Variants in NDRG2 observed in about 807,000 individuals in gnomAD.
The protein encoded by NDRG2 is NDRG family member 2.
Under a neutral mutation model 58.2 loss-of-function variants are expected in NDRG2, and 34 were observed. The ratio of observed to expected loss-of-function variants is 0.58; its 90% CI spans 0.44 to 0.78. The LOEUF is 0.78. Among genes scored for constraint, NDRG2 ranks in the 30% least tolerant of loss-of-function variants. NDRG2 has a pLI of 0.00. For synonymous variants in NDRG2, 187 were observed against 175.9 expected, an observed-to-expected ratio of 1.06 and a Z score of -0.50; for missense variants, 434 against 471.2, an observed-to-expected ratio of 0.92 and a Z score of 0.73.
chr14:21,049,952 T>C (rs1885393127), intron 1 of NDRG2, among the ~76,000 whole-genome samples: 1 of 152,104 alleles, frequency 6.6e-6, no homozygotes, highest in African/African-American at 2.4e-5. Flanking sequence ...AATTTTTGTA[T>C]TTTTAGTAAA....
intron 1 of NDRG2, among the ~76,000 whole-genome samples, chr14:21,051,506 G>T (rs574675855): frequency 6.6e-6 from 1 of 152,264 alleles, no homozygotes; most frequent in African/African-American, 2.4e-5. Flanking sequence ...AGCTCTGGTT[G>T]GGTTGAAGAC....
rs1463341347 is a variant in NDRG2 at position 21,070,149 on chromosome 14, C to CA, written c.24+678dup. 4.5e-6 allele frequency: 1 copy of CA among 221,698 alleles called. No individual in the cohort carries two copies. Among genetic ancestry groups the CA allele is most frequent in the Non-Finnish European group, 8.7e-6 (1 of 115,552 alleles). 13.7% of individuals were successfully genotyped at this position (221,698 alleles called of 1,614,324 possible). The stretch of plus-strand genomic sequence containing the variant: ...ACGGCAGAGATCTCGGCGCGGGAGA[C>CA]AGAGTCCCGGCAAGGGGTCCCGCGC... On this transcript the variant is annotated intron_variant, in intron 1 of 14. Coordinates refer to the NDRG2 transcript ENST00000403829. The surrounding 1 kb of genome is among the most constrained non-coding windows in gnomAD (Gnocchi z 4.7).
chr14:21,030,729 G>A (rs149482997), upstream of NDRG2: 92 of 1,614,132 alleles, frequency 5.7e-5, 1 homozygote, highest in South Asian at 6.6e-5. Context: ...CTCCACGGAC[G>A]TGGACATCGT....
intron 1 of NDRG2, among the ~76,000 whole-genome samples, chr14:21,066,360 G>A (rs1450487590): frequency 3.4e-5 from 5 of 148,110 alleles, no homozygotes; most frequent in East Asian, 2.0e-4. Context: ...TCACTTTGTC[G>A]CCAGGCTGGA....
rs1566467511 is a variant in NDRG2 at position 21,022,141 on chromosome 14, G to T, written c.265C>A (p.Gln89Lys). 6.2e-7 allele frequency: 1 copy of T among 1,614,128 alleles called. No homozygotes were observed. Among genetic ancestry groups the T allele is most frequent in the Non-Finnish European group, 8.5e-7 (1 of 1,180,030 alleles). The change falls in exon 5 of 16, where the codon CAG (glutamine) becomes AAG (lysine). Residue 89 changes from glutamine (Q) to lysine (K), a missense_variant. Coordinates refer to ENST00000556147, the MANE Select transcript of NDRG2 (RefSeq NM_001320329.2). ...FQPLFQFEDM[Q>K]EIIQNFVRVH... Reference sequence around the variant, plus strand: ...CGCACAAAGTTCTGAATGATTTCCTGCATGTCCTCGAACTGAAACAGTGGC... The same window carrying T: ...CGCACAAAGTTCTGAATGATTTCCTTCATGTCCTCGAACTGAAACAGTGGC...
At chr14:21,018,962 G>C in intron 11 of NDRG2, 148 bp from the exon 12 acceptor site, 1 of 1,265,792 alleles carries the variant, frequency 7.9e-7, no homozygotes. Flanking sequence ...AGGATTCAAA[G>C]GGGGAAGACC....
intron 1 of NDRG2, among the ~76,000 whole-genome samples, chr14:21,044,530 A>T (rs1022698881): frequency 2.0e-5 from 3 of 152,110 alleles, no homozygotes; most frequent in African/African-American, 7.2e-5. Flanking sequence ...CCCCTGCCTC[A>T]TTGCTACCCT....
At chr14:21,029,312 A>C (rs891689510), upstream of NDRG2, 1 of 152,174 alleles carries the variant, frequency 6.6e-6, no homozygotes, top group African/African-American at 2.4e-5. Flanking sequence ...TTAAAATCCT[A>C]ACTCCCGGCT....
chr14:21,058,108 CGA>C, intron 1 of NDRG2: 1 of 1,614,190 alleles, frequency 6.2e-7, no homozygotes, highest in Non-Finnish European at 8.5e-7. Context: ...CCTTCCTGCA[CGA>C]GCCCTTCTCC....
chr14:21,065,309 C>A (rs1295101271), intron 1 of NDRG2, among the ~76,000 whole-genome samples: 5 of 152,150 alleles, frequency 3.3e-5, no homozygotes. Flanking sequence ...AAGCAGCTGA[C>A]CCCAAGCCTC....
At position 21,070,017 on chromosome 14, in the gene NDRG2, T is replaced by C. The variant is rs918816071; in HGVS notation, c.24+811A>G. On this transcript the variant is annotated intron_variant, in intron 1 of 14. Transcript: ENST00000403829. This position sits in a 1 kb window ranked among gnomAD's most constrained non-coding sequence, Gnocchi z 4.7. ...GCGGGAAAAGAGGGGCATCCTCGGC[T>C]GGGCGGGCCTCCGAGGGTCAGGGTC... Among the ~76,000 whole-genome samples the C allele has an allele frequency of 2.0e-5, 3 of 152,114 alleles. No homozygotes were observed. Among genetic ancestry groups the C allele is most frequent in the African/African-American group, 7.2e-5 (3 of 41,436 alleles).
intron 1 of NDRG2, chr14:21,036,202 G>T (rs766686803): frequency 2.2e-6 from 1 of 456,258 alleles, no homozygotes; most frequent in Admixed American, 2.3e-5. Flanking sequence ...GGATGCTCTC[G>T]TCTCGCCTGG....
chr14:21,022,848 G>A lies in NDRG2; in HGVS notation c.117+16C>T. ...CAGCCCCTCCTCCCACCTTGGGACT[G>A]CCCCCACACTGTTACCTGTCCCTGG... On this transcript the variant is annotated intron_variant, in intron 3 of 15. Coordinates refer to ENST00000556147, the MANE Select transcript of NDRG2 (RefSeq NM_001320329.2). 1 of 1,612,926 alleles carries A rather than the reference G, an allele frequency of 6.2e-7. No individual in the cohort carries two copies. Among genetic ancestry groups the A allele is most frequent in the Non-Finnish European group, 8.5e-7 (1 of 1,179,466 alleles).
chr14:21,023,389 T>C, intron 1 of NDRG2, 68 bp from the exon 2 acceptor site: 6 of 1,389,544 alleles, frequency 4.3e-6, no homozygotes, highest in Non-Finnish European at 6.0e-6. Flanking sequence ...AACACCAGGC[T>C]TCCTCTCTCA....
At chr14:21,052,217 T>C (rs1885498048) in intron 1 of NDRG2, among the ~76,000 whole-genome samples, 1 of 152,264 alleles carries the variant, frequency 6.6e-6, no homozygotes, top group Non-Finnish European at 1.5e-5. Context: ...GAGCTAGCCA[T>C]GTGCCTGGCA....
chr14:21,062,948 T>TAAA (rs36072613), intron 1 of NDRG2, among the ~76,000 whole-genome samples: 2,107 of 128,112 alleles, frequency 0.016, 84 homozygotes, highest in African/African-American at 0.059. Context: ...ACCTTGTCTC[T>TAAA]AAAAAAAAAA....
chr14:21,029,788 G>T (rs1241643944), upstream of NDRG2, among the ~76,000 whole-genome samples: 2 of 152,150 alleles, frequency 1.3e-5, no homozygotes, highest in African/African-American at 2.4e-5. Flanking sequence ...GCAAGAAGGT[G>T]CCATCTATGG....
At chr14:21,069,795 A>G (rs1466494077) in intron 1 of NDRG2, among the ~76,000 whole-genome samples, 1 of 152,170 alleles carries the variant, frequency 6.6e-6, no homozygotes, top group Admixed American at 6.5e-5. Flanking sequence ...TGAAGGTCTC[A>G]TTTGAGCCCT....
chr14:21,025,250 G>A (rs1034876840), upstream of NDRG2: 4 of 846,534 alleles, frequency 4.7e-6, no homozygotes, highest in East Asian at 4.9e-4. This position sits in a 1 kb window ranked among gnomAD's most constrained non-coding sequence, Gnocchi z 5.1. Context: ...CGAGGGGCGG[G>A]CGGCTGGACG....
Sources: gnomAD v4.1 joint callset for allele counts (sites outside exome capture counted in the v4.1 genomes callset) on GRCh38, gnomAD v4.1.1 for gene constraint, Gnocchi (gnomAD v3.1) non-coding constraint, MANE v1.5 for transcripts, NCBI Gene and HGNC (gene_info 2026-07-23, HGNC 2026-07-21) for gene names.